GLI2: variants seen among roughly 807,000 people sequenced by gnomAD.
GLI2 encodes the protein transcription activator GLI2.
Under a neutral mutation model 78.9 loss-of-function variants are expected in GLI2, and 22 were observed. The observed-to-expected ratio is 0.28, with a 90% CI of 0.20 to 0.40. The LOEUF is 0.40. Among genes scored for constraint, GLI2 ranks in the 10% least tolerant of loss-of-function variants. The probability of loss-of-function intolerance (pLI) is 1.00; values close to 1 mark genes in which losing one functional copy is unlikely to be tolerated. For missense variants in GLI2, 2,097 were observed against 2,213.2 expected (o/e 0.95, Z 1.05); for synonymous variants, 974 against 963.7 (o/e 1.01, Z -0.20).
intron 4 of GLI2, 83 bp from the exon 5 acceptor site, chr2:120,955,153 CTTTTTTTTT>C (rs869202442): frequency 9.5e-5 from 14 of 147,070 alleles, no homozygotes; most frequent in African/African-American, 4.4e-4. Flanking sequence ...TTCTCTCTGC[CTTTTTTTTT>C]TTTTTTTTTT....
At chr2:120,861,687 G>A (rs1388743155) in intron 2 of GLI2, among the ~76,000 whole-genome samples, 5 of 152,204 alleles carry the variant, frequency 3.3e-5, no homozygotes, top group Non-Finnish European at 5.9e-5. Flanking sequence ...TGGGGGAACC[G>A]GGGCCTGCTG....
chr2:120,797,162 C>T (rs1423926844), intron 1 of GLI2, 129 bp from the exon 2 acceptor site: 1 of 741,606 alleles, frequency 1.3e-6, no homozygotes, highest in Non-Finnish European at 2.4e-6. Flanking sequence ...TTAAACCCTC[C>T]TTCCCAATTA....
chr2:120,829,964 C>T (rs561092211), intron 2 of GLI2, among the ~76,000 whole-genome samples: 83 of 151,918 alleles, frequency 5.5e-4, no homozygotes, highest in African/African-American at 1.9e-3. Flanking sequence ...GGTGTGCCTG[C>T]GTGTGTGTGT....
chr2:120,922,946 A>G (rs1342946123), intron 2 of GLI2, among the ~76,000 whole-genome samples: 1 of 152,108 alleles, frequency 6.6e-6, no homozygotes, highest in African/African-American at 2.4e-5. Context: ...GCCAGACAAC[A>G]GACGGCAGGC....
chr2:120,839,760 A>G (rs1374613044), intron 2 of GLI2, among the ~76,000 whole-genome samples: 2 of 152,070 alleles, frequency 1.3e-5, no homozygotes, highest in South Asian at 2.1e-4. Context: ...ACGTAGTTTC[A>G]TCATGTTGGC....
At chr2:120,912,274 G>GTTTTT (rs564285080) in intron 2 of GLI2, among the ~76,000 whole-genome samples, 3,973 of 136,738 alleles carry the variant, frequency 0.029, 231 homozygotes, top group African/African-American at 0.1. Context: ...TTTGCAAGAG[G>GTTTTT]TTTTTTTTTT....
At chr2:120,984,247 G>A (rs556143826) in intron 11 of GLI2, among the ~76,000 whole-genome samples, 87 of 152,292 alleles carry the variant, frequency 5.7e-4, no homozygotes, top group African/African-American at 1.6e-3. Context: ...CCCCGTGGCC[G>A]TGTGCTTAAC....
At chr2:120,781,501 G>C (rs1041347159) in intron 1 of GLI2, among the ~76,000 whole-genome samples, 3 of 152,302 alleles carry the variant, frequency 2.0e-5, no homozygotes, top group South Asian at 4.1e-4. Context: ...CAGGAGTCAG[G>C]CTCGATTTAT....
intron 1 of GLI2, among the ~76,000 whole-genome samples, chr2:120,770,712 T>C (rs917991246): frequency 2.6e-5 from 4 of 152,186 alleles, no homozygotes; most frequent in Non-Finnish European, 5.9e-5. Context: ...ATTAAGCTGG[T>C]AGCACAGAGC....
At chr2:120,844,309 G>C (rs1687014770) in intron 2 of GLI2, among the ~76,000 whole-genome samples, 1 of 152,244 alleles carries the variant, frequency 6.6e-6, no homozygotes, top group Non-Finnish European at 1.5e-5. Context: ...GCAGTGGACA[G>C]ATTTGGCCTC....
chr2:120,956,080 A>G (rs1681246912), intron 5 of GLI2, among the ~76,000 whole-genome samples: 1 of 152,100 alleles, frequency 6.6e-6, no homozygotes, highest in African/African-American at 2.4e-5. Flanking sequence ...TCACAGAAGG[A>G]ATCTCCTTCC....
At chr2:120,843,216 A>G (rs907245237) in intron 2 of GLI2, among the ~76,000 whole-genome samples, 2 of 152,202 alleles carry the variant, frequency 1.3e-5, no homozygotes, top group African/African-American at 2.4e-5. Context: ...CCCCACCAAG[A>G]TGCTCCCATT....
At chr2:120,947,751 A>G (rs960393934) in intron 3 of GLI2, among the ~76,000 whole-genome samples, 4 of 152,218 alleles carry the variant, frequency 2.6e-5, no homozygotes, top group African/African-American at 9.6e-5. Context: ...TACACAGCCA[A>G]GCGGGAAGGA....
At chr2:120,831,994 C>A (rs1443649074) in intron 2 of GLI2, among the ~76,000 whole-genome samples, 2 of 152,224 alleles carry the variant, frequency 1.3e-5, no homozygotes, top group Non-Finnish European at 2.9e-5. Context: ...TATGGGGCAC[C>A]ACAAGGCGGG....
intron 2 of GLI2, among the ~76,000 whole-genome samples, chr2:120,879,694 G>A (rs1177537493): frequency 1.3e-5 from 2 of 152,206 alleles, no homozygotes; most frequent in Non-Finnish European, 2.9e-5. Flanking sequence ...GTCACTTAAC[G>A]GCTGGGCTGT....
Position 120,890,761 on chromosome 2 carries a change from C to T in GLI2, c.149-36600C>T, listed in dbSNP as rs184588475. Reference sequence around the variant, plus strand: ...CTAGCTTGTCCTCAAGTAAGCAAGCCGTGCTGTTTCCCAAGGGGCTGGGCC... The same window carrying T: ...CTAGCTTGTCCTCAAGTAAGCAAGCTGTGCTGTTTCCCAAGGGGCTGGGCC... On this transcript the variant is annotated intron_variant, in intron 2 of 13. Transcript: ENST00000361492. Among the ~76,000 whole-genome samples, 73 of 152,298 alleles carry T rather than the reference C, an allele frequency of 4.8e-4. No homozygotes were observed. In the Middle Eastern group the frequency reaches 0.02, roughly 43 times the overall value.
chr2:120,887,111 G>A (rs902763779), intron 2 of GLI2, among the ~76,000 whole-genome samples: 1 of 152,202 alleles, frequency 6.6e-6, no homozygotes, highest in African/African-American at 2.4e-5. Flanking sequence ...GCTGGCCCCC[G>A]ATCAATGCCT....
chr2:120,961,227 C>T (rs978022490), intron 5 of GLI2, among the ~76,000 whole-genome samples: 2 of 152,196 alleles, frequency 1.3e-5, no homozygotes, highest in Admixed American at 6.5e-5. Context: ...GATGTCACCT[C>T]CATTCTGACG....
intron 3 of GLI2, among the ~76,000 whole-genome samples, chr2:120,942,478 G>T (rs929720572): frequency 6.6e-6 from 1 of 152,168 alleles, no homozygotes; most frequent in African/African-American, 2.4e-5. Flanking sequence ...CCCCATGATG[G>T]CATGTAGGGC....
Sources: gnomAD v4.1 joint callset for allele counts (sites outside exome capture counted in the v4.1 genomes callset) on GRCh38, gnomAD v4.1.1 for gene constraint, MANE v1.5 for transcripts, NCBI Gene and HGNC (gene_info 2026-07-23, HGNC 2026-07-21) for gene names.